DENND2B: variants seen among roughly 807,000 people sequenced by gnomAD.
The protein encoded by DENND2B is DENN domain containing 2B.
In DENND2B, 32 loss-of-function variants were observed where a neutral mutation model predicts 116.0. That is an observed-to-expected ratio of 0.28 (90% CI 0.21 to 0.37). The LOEUF is 0.37. Ranked by LOEUF, DENND2B falls within the 10% of genes least tolerant of loss-of-function variation. The pLI is 1.00. For synonymous variants in DENND2B, 588 were observed against 583.9 expected, an observed-to-expected ratio of 1.01 and a Z score of -0.10; for missense variants, 1,276 against 1,477.7, an observed-to-expected ratio of 0.86 and a Z score of 2.24.
intron 1 of DENND2B, chr11:8,909,920 G>C (rs1364152780): frequency 6.6e-6 from 1 of 152,164 alleles, no homozygotes; most frequent in Admixed American, 6.5e-5. Flanking sequence ...TCGGCGCTTT[G>C]CTTTGCGCTG....
intron 1 of DENND2B, among the ~76,000 whole-genome samples, chr11:8,772,249 G>T (rs934319223): frequency 1.3e-5 from 2 of 151,984 alleles, no homozygotes; most frequent in Non-Finnish European, 2.9e-5. Flanking sequence ...TAATAGTAGG[G>T]TTAATAGTAA....
intron 1 of DENND2B, among the ~76,000 whole-genome samples, chr11:8,762,262 C>G (rs2054796755): frequency 6.6e-6 from 1 of 152,196 alleles, no homozygotes; most frequent in Non-Finnish European, 1.5e-5. Flanking sequence ...TTCACTGTCT[C>G]CACTCCAGCC....
chr11:8,814,965 T>C (rs186477143), upstream of DENND2B, among the ~76,000 whole-genome samples: 20 of 152,334 alleles, frequency 1.3e-4, no homozygotes, highest in East Asian at 2.9e-3. Context: ...CAAAAATTCC[T>C]GTAAAGCCTC....
chr11:8,881,310 T>C (rs1383571289), intron 1 of DENND2B, among the ~76,000 whole-genome samples: 1 of 152,196 alleles, frequency 6.6e-6, no homozygotes, highest in African/African-American at 2.4e-5. Flanking sequence ...TAAATGTTCC[T>C]GTACTGTTCC....
chr11:8,720,292 CT>C (rs2045935422), intron 4 of DENND2B, among the ~76,000 whole-genome samples: 1 of 152,078 alleles, frequency 6.6e-6, no homozygotes, highest in Non-Finnish European at 1.5e-5. Flanking sequence ...TTCCTTCCTT[CT>C]TTTCCCTACA....
intron 19 of DENND2B, among the ~76,000 whole-genome samples, chr11:8,694,345 C>T (rs78115107): frequency 1.7e-3 from 254 of 152,230 alleles, no homozygotes; most frequent in Non-Finnish European, 2.6e-3. Flanking sequence ...AGCCACTTAA[C>T]CTCTTTGGTC....
chr11:8,731,951 C>T (rs548599618), intron 2 of DENND2B, among the ~76,000 whole-genome samples: 2 of 152,300 alleles, frequency 1.3e-5, no homozygotes, highest in South Asian at 4.1e-4. Context: ...TTGATCTTTC[C>T]CTTTAACAAG....
intron 4 of DENND2B, among the ~76,000 whole-genome samples, chr11:8,836,437 T>C (rs866153372): frequency 1.5e-3 from 173 of 115,602 alleles, no homozygotes; most frequent in East Asian, 0.01. Flanking sequence ...TTTTTTTTTT[T>C]CTGAGACGGA....
chr11:8,823,742 C>T (rs7930878), intron 4 of DENND2B, among the ~76,000 whole-genome samples: 103,855 of 152,004 alleles, frequency 0.68, 37,591 homozygotes, highest in Admixed American at 0.81. Context: ...ACTTCTTTCT[C>T]ATATAAATTA....
intron 4 of DENND2B, among the ~76,000 whole-genome samples, chr11:8,838,965 A>T (rs2062528763): frequency 6.6e-6 from 1 of 152,260 alleles, no homozygotes. Flanking sequence ...GCAACATAAC[A>T]CAGGAATCCA....
chr11:8,777,040 C>T (rs1045188300), intron 1 of DENND2B, among the ~76,000 whole-genome samples: 2 of 152,196 alleles, frequency 1.3e-5, no homozygotes, highest in African/African-American at 4.8e-5. Flanking sequence ...AGTGAATGGG[C>T]TTGCTATTAT....
At chr11:8,780,154 A>G (rs2058233986) in intron 1 of DENND2B, among the ~76,000 whole-genome samples, 1 of 152,194 alleles carries the variant, frequency 6.6e-6, no homozygotes, top group Non-Finnish European at 1.5e-5. Context: ...CATTCAGCTA[A>G]TATACACCAA....
At chr11:8,774,429 G>T in intron 1 of DENND2B, 1 of 687,218 alleles carries the variant, frequency 1.5e-6, no homozygotes, top group Non-Finnish European at 1.8e-6. Context: ...GCCATTAGCT[G>T]AATGACTTTC....
chr11:8,736,797 G>A (rs117602024), intron 2 of DENND2B, among the ~76,000 whole-genome samples: 3,033 of 152,238 alleles, frequency 0.02, 49 homozygotes, highest in Middle Eastern at 0.13. Flanking sequence ...AGAGACACCA[G>A]AAGCCACATT....
intron 1 of DENND2B, among the ~76,000 whole-genome samples, chr11:8,888,785 A>T (rs975445338): frequency 2.6e-5 from 4 of 152,236 alleles, no homozygotes; most frequent in Non-Finnish European, 5.9e-5. Context: ...TCAAAATAAG[A>T]TACAAAAACA....
At chr11:8,806,638 A>ACACACACCCC (rs1017645452) in intron 1 of DENND2B, among the ~76,000 whole-genome samples, 5 of 150,896 alleles carry the variant, frequency 3.3e-5, no homozygotes, top group African/African-American at 1.2e-4. Context: ...ACACACACAC[A>ACACACACCCC]CCCAGGAGAG....
At chr11:8,698,648 C>T (rs1183437865) in intron 16 of DENND2B, among the ~76,000 whole-genome samples, 1 of 152,208 alleles carries the variant, frequency 6.6e-6, no homozygotes, top group African/African-American at 2.4e-5. Flanking sequence ...AGGCCTAAGA[C>T]CATGTGGCTC....
At chr11:8,845,926 A>C (rs2062796023) in intron 3 of DENND2B, among the ~76,000 whole-genome samples, 1 of 94,074 alleles carries the variant, frequency 1.1e-5, no homozygotes, top group Non-Finnish European at 2.8e-5. Flanking sequence ...TAAATTACAG[A>C]GTGTCTAGAA....
At position 8,699,250 on chromosome 11, in the gene DENND2B, C is replaced by T; in HGVS notation, c.2861G>A (p.Ser954Asn). 1 of 1,589,220 alleles carries T rather than the reference C, an allele frequency of 6.3e-7. No individual in the cohort carries two copies. The highest frequency in any genetic ancestry group is 8.5e-7 in the Non-Finnish European group (1 of 1,172,662). ...PTPFLVGLLS[S>N]SLPKLKELPV... ...CAGCTCCTTCAGTTTGGGGAGGGAG[C>T]TGGAGAGCAGGCCAACCAGGAAGGG... Residue 954 changes from serine to asparagine, a missense_variant, in exon 15 of 20, where the codon AGC becomes AAC. Transcript: ENST00000313726.
Sources: allele counts gnomAD v4.1 joint callset (sites outside exome capture counted in the v4.1 genomes callset), GRCh38; gene constraint gnomAD v4.1.1; transcripts MANE v1.5; gene names NCBI Gene and HGNC (gene_info 2026-07-23, HGNC 2026-07-21).